NCOA2: variants seen among roughly 807,000 people sequenced by gnomAD.
NCOA2 encodes the protein class E basic helix-loop-helix protein 75.
Under a neutral mutation model 145.1 loss-of-function variants are expected in NCOA2, and 21 were observed. That is an observed-to-expected ratio of 0.14 (90% CI 0.10 to 0.21). The LOEUF is 0.21. NCOA2 is among the 10% of genes least tolerant of loss of function. The pLI, the probability that NCOA2 is intolerant of heterozygous loss-of-function variation, is 1.00. For synonymous variants in NCOA2, 619 were observed against 637.5 expected (o/e 0.97, Z 0.44); for missense variants, 1,472 against 1,837.6 (o/e 0.80, Z 3.64).
At chr8:70,138,037 C>G (rs1187363429) in intron 15 of NCOA2, 166 bp downstream of exon 15, 1 of 606,320 alleles carries the variant, frequency 1.6e-6, no homozygotes, top group East Asian at 3.0e-5. Flanking sequence ...AAGGTATGTC[C>G]TAGGTCATAC....
At chr8:70,398,422 C>G (rs769039751) in intron 1 of NCOA2, among the ~76,000 whole-genome samples, 8 of 152,144 alleles carry the variant, frequency 5.3e-5, no homozygotes, top group Non-Finnish European at 1.2e-4. Flanking sequence ...GATCATGTCA[C>G]TGCACTCCAG....
chr8:70,282,908 T>C (rs1311092784), intron 2 of NCOA2, among the ~76,000 whole-genome samples: 1 of 152,192 alleles, frequency 6.6e-6, no homozygotes, highest in Non-Finnish European at 1.5e-5. Context: ...AAAATACTAA[T>C]GTACTCACAG....
At chr8:70,264,541 T>C (rs1342832548) in intron 2 of NCOA2, among the ~76,000 whole-genome samples, 3 of 152,142 alleles carry the variant, frequency 2.0e-5, no homozygotes, top group Non-Finnish European at 1.5e-5. Flanking sequence ...TGTCAACCTA[T>C]ATACTTCAGG....
intron 12 of NCOA2, among the ~76,000 whole-genome samples, chr8:70,147,127 CGTGTGTGT>C (rs1195939923): frequency 2.1e-5 from 3 of 144,706 alleles, no homozygotes; most frequent in Non-Finnish European, 4.6e-5. Context: ...CGCGCGCGCG[CGTGTGTGT>C]GTGTGTGTGT....
At chr8:70,251,979 G>A (rs1321087449) in intron 2 of NCOA2, among the ~76,000 whole-genome samples, 1 of 152,138 alleles carries the variant, frequency 6.6e-6, no homozygotes, top group Non-Finnish European at 1.5e-5. Flanking sequence ...GATATAAAAT[G>A]ATATTTGCTT....
chr8:70,148,929 A>G (rs1284931395), intron 11 of NCOA2, among the ~76,000 whole-genome samples: 2 of 152,124 alleles, frequency 1.3e-5, no homozygotes, highest in Non-Finnish European at 2.9e-5. Flanking sequence ...TGTAATCCAA[A>G]TTTGCACCCA....
intron 1 of NCOA2, among the ~76,000 whole-genome samples, chr8:70,390,574 G>A (rs1813101333): frequency 6.6e-6 from 1 of 151,698 alleles, no homozygotes; most frequent in African/African-American, 2.4e-5. Context: ...GACCAGCCTG[G>A]GCAACATAGC....
intron 2 of NCOA2, among the ~76,000 whole-genome samples, chr8:70,264,215 C>CA (rs1042593308): frequency 1.4e-3 from 190 of 134,864 alleles, no homozygotes; most frequent in East Asian, 3.4e-3. Context: ...AACTCTGTCT[C>CA]AAAAAAAAAA....
chr8:70,402,649 A>C (rs1299457916), intron 1 of NCOA2: 1 of 151,458 alleles, frequency 6.6e-6, no homozygotes, highest in Non-Finnish European at 1.5e-5. Flanking sequence ...GACCGTCGCG[A>C]GGCGGCCACA....
chr8:70,373,977 C>G (rs1406240572), intron 1 of NCOA2, among the ~76,000 whole-genome samples: 1 of 152,106 alleles, frequency 6.6e-6, no homozygotes, highest in African/African-American at 2.4e-5. Flanking sequence ...AAAACAAATT[C>G]TGGGTATCCT....
chr8:70,322,176 G>A (rs538939241), intron 1 of NCOA2, among the ~76,000 whole-genome samples: 1 of 151,990 alleles, frequency 6.6e-6, no homozygotes, highest in African/African-American at 2.4e-5. Flanking sequence ...TCATCATATG[G>A]CACTAAGAAA....
At chr8:70,415,030 T>C in the NCOA2 span, among the ~76,000 whole-genome samples, 1 of 152,200 alleles carries the variant, frequency 6.6e-6, no homozygotes, top group African/African-American at 2.4e-5. Context: ...AGACTAGGCA[T>C]GGTGGCTCAT....
the NCOA2 span, among the ~76,000 whole-genome samples, chr8:70,416,195 G>GTTTT: frequency 7.4e-6 from 1 of 135,692 alleles, no homozygotes; most frequent in African/African-American, 2.8e-5. Context: ...CAGTTTTTTT[G>GTTTT]TTTTTTTTTT....
chr8:70,379,839 T>C (rs1330547220), intron 1 of NCOA2, among the ~76,000 whole-genome samples: 1 of 152,160 alleles, frequency 6.6e-6, no homozygotes, highest in Non-Finnish European at 1.5e-5. Context: ...CGTTTCTGTA[T>C]CATGCTTTAA....
At chr8:70,159,682 G>A (rs992348893) in intron 9 of NCOA2, 30 bp from the exon 10 acceptor site, 11 of 1,580,246 alleles carry the variant, frequency 7.0e-6, no homozygotes, top group African/African-American at 2.7e-5. Flanking sequence ...CAGAAGGCAC[G>A]TTTAGAAAAA....
intron 1 of NCOA2, among the ~76,000 whole-genome samples, chr8:70,309,486 A>C (rs1315080504): frequency 6.6e-6 from 1 of 152,190 alleles, no homozygotes. Context: ...TTTACCCAAC[A>C]AAGATTTATA....
chr8:70,432,840 A>G, the NCOA2 span, among the ~76,000 whole-genome samples: 1 of 152,190 alleles, frequency 6.6e-6, no homozygotes, highest in African/African-American at 2.4e-5. Flanking sequence ...TAGCAAAGTT[A>G]AAAATCTATG....
chr8:70,359,083 A>G (rs1809987113), intron 1 of NCOA2, among the ~76,000 whole-genome samples: 1 of 152,252 alleles, frequency 6.6e-6, no homozygotes, highest in Non-Finnish European at 1.5e-5. Context: ...AATTGCTAAT[A>G]ACAAGTGTTG....
At chr8:70,293,483 G>C (rs1486141629) in intron 2 of NCOA2, among the ~76,000 whole-genome samples, 1 of 152,168 alleles carries the variant, frequency 6.6e-6, no homozygotes, top group African/African-American at 2.4e-5. Flanking sequence ...ACTACATGAA[G>C]TATATATTGT....
Sources: gnomAD v4.1 joint callset for allele counts (sites outside exome capture counted in the v4.1 genomes callset) on GRCh38, gnomAD v4.1.1 for gene constraint, MANE v1.5 for transcripts, NCBI Gene and HGNC (gene_info 2026-07-23, HGNC 2026-07-21) for gene names.